Variants in NAALADL2 observed in about 807,000 individuals in gnomAD.
The protein encoded by NAALADL2 is inactive N-acetylated-alpha-linked acidic dipeptidase-like protein 2.
NAALADL2 carries 76 observed loss-of-function variants against 87.2 expected under a neutral mutation model. That is an observed-to-expected ratio of 0.87 (90% confidence interval 0.72 to 1.05). The LOEUF (loss-of-function observed/expected upper bound fraction) is 1.05. Ranked by LOEUF, NAALADL2 falls within the 50% of genes least tolerant of loss-of-function variation. NAALADL2 has a pLI of 0.00. For missense variants in NAALADL2, 1,089 were observed against 945.8 expected, an observed-to-expected ratio of 1.15 and a Z score of -1.99; for synonymous variants, 354 against 331.0, an observed-to-expected ratio of 1.07 and a Z score of -0.75.
intron 1 of NAALADL2, among the ~76,000 whole-genome samples, chr3:174,943,718 C>G (rs1252493062): frequency 1.3e-5 from 2 of 152,152 alleles, no homozygotes; most frequent in East Asian, 3.9e-4. Flanking sequence ...CAGGGGTTCC[C>G]TATTTGGTGA....
Position 174,586,983 on chromosome 3 carries a change from CT to C in NAALADL2, c.-115+36347del, listed in dbSNP as rs370366996. 6.2e-3 allele frequency among the ~76,000 whole-genome samples: 837 copies of C among 134,140 alleles called. 8 individuals carry two copies. The highest frequency in any genetic ancestry group is 0.021 in the African/African-American group (781 of 36,928). The allele number at this position is 134,140 out of a possible 152,430, so 88.0% of individuals were successfully genotyped here. A position where few individuals can be genotyped will look rare whatever the true frequency, so the allele number is the denominator to read the frequency against. On this transcript the variant is annotated intron_variant, in intron 2 of 3. Coordinates refer to the NAALADL2 transcript ENST00000434257. ...TATCTCCTAATGCTATCCCTTGCCC[CT>C]CCCCCCACCCCACGACAGGCCCTGG...
At chr3:174,591,477 A>G (rs1473919850) in intron 2 of NAALADL2, among the ~76,000 whole-genome samples, 3 of 152,164 alleles carry the variant, frequency 2.0e-5, no homozygotes, top group Admixed American at 2.0e-4. Flanking sequence ...CGGGTAAAGG[A>G]AAACTTGTCA....
intron 2 of NAALADL2, among the ~76,000 whole-genome samples, chr3:175,157,391 G>A (rs1732486364): frequency 6.6e-6 from 1 of 151,936 alleles, no homozygotes; most frequent in African/African-American, 2.4e-5. Flanking sequence ...TTTATCATTT[G>A]TAAAATGTAA....
intron 5 of NAALADL2, among the ~76,000 whole-genome samples, chr3:175,349,344 G>T (rs537615746): frequency 1.3e-5 from 2 of 152,242 alleles, no homozygotes; most frequent in South Asian, 2.1e-4. Context: ...AACAGGGGAG[G>T]TGCATGTACC....
intron 2 of NAALADL2, among the ~76,000 whole-genome samples, chr3:175,167,236 C>A (rs753450400): frequency 6.6e-6 from 1 of 151,964 alleles, no homozygotes; most frequent in African/African-American, 2.4e-5. Context: ...AAATAATAAG[C>A]GTGAGGGTGT....
chr3:174,591,736 C>T (rs1717379642), intron 2 of NAALADL2, among the ~76,000 whole-genome samples: 1 of 152,036 alleles, frequency 6.6e-6, no homozygotes, highest in Non-Finnish European at 1.5e-5. Context: ...TTGTGAATTT[C>T]CGATTCTAAA....
intron 13 of NAALADL2, among the ~76,000 whole-genome samples, chr3:175,787,792 GTAAAATATGTGTT>G (rs1576832060): frequency 6.6e-6 from 1 of 152,108 alleles, no homozygotes; most frequent in African/African-American, 2.4e-5. Flanking sequence ...TTTTTCAGCA[GTAAAATATGTGTT>G]TTAAGCTGTG....
chr3:175,218,489 A>G (rs948222013), intron 2 of NAALADL2, among the ~76,000 whole-genome samples: 1 of 148,626 alleles, frequency 6.7e-6, no homozygotes. Flanking sequence ...ATCCAAATAT[A>G]ATATATATGC....
At chr3:175,508,670 T>C (rs1730691387) in intron 9 of NAALADL2, among the ~76,000 whole-genome samples, 1 of 152,176 alleles carries the variant, frequency 6.6e-6, no homozygotes, top group Admixed American at 6.5e-5. Context: ...TGCCTCTAAA[T>C]ACATTCATTC....
chr3:175,376,835 G>A (rs1466407092), intron 5 of NAALADL2, among the ~76,000 whole-genome samples: 1 of 151,816 alleles, frequency 6.6e-6, no homozygotes, highest in Non-Finnish European at 1.5e-5. Context: ...CTTCAGCTGG[G>A]GTTGTTTCTG....
At chr3:175,694,549 G>A (rs937357838) in intron 11 of NAALADL2, among the ~76,000 whole-genome samples, 22 of 152,040 alleles carry the variant, frequency 1.4e-4, no homozygotes, top group African/African-American at 4.6e-4. Flanking sequence ...AATTTTGGGG[G>A]CATTCATATG....
intron 1 of NAALADL2, among the ~76,000 whole-genome samples, chr3:174,482,459 G>C (rs1717612416): frequency 6.6e-6 from 1 of 152,042 alleles, no homozygotes; most frequent in Non-Finnish European, 1.5e-5. Context: ...CTGCTGCACA[G>C]TTAGAAAGAA....
At chr3:175,666,608 C>G (rs1733036686) in intron 11 of NAALADL2, among the ~76,000 whole-genome samples, 1 of 152,086 alleles carries the variant, frequency 6.6e-6, no homozygotes, top group African/African-American at 2.4e-5. Context: ...GCACGATGAG[C>G]CCACCAAAAG....
chr3:175,628,413 T>G (rs563814208), intron 11 of NAALADL2, among the ~76,000 whole-genome samples: 57 of 151,450 alleles, frequency 3.8e-4, no homozygotes, highest in Non-Finnish European at 6.7e-4. Flanking sequence ...GTGTGTATTT[T>G]TATAGCAGTG....
At chr3:175,590,312 T>A (rs1165576466) in intron 10 of NAALADL2, among the ~76,000 whole-genome samples, 1 of 150,464 alleles carries the variant, frequency 6.6e-6, no homozygotes, top group Non-Finnish European at 1.5e-5. Flanking sequence ...ATTAACATAA[T>A]CAATGTCAAT....
intron 1 of NAALADL2, among the ~76,000 whole-genome samples, chr3:174,910,688 A>G (rs959649689): frequency 1.3e-5 from 2 of 152,036 alleles, no homozygotes; most frequent in African/African-American, 2.4e-5. Context: ...AGTACACACC[A>G]TATTAGTCAT....
chr3:175,021,302 CTG>C (rs1421207179), intron 1 of NAALADL2, among the ~76,000 whole-genome samples: 2 of 152,024 alleles, frequency 1.3e-5, no homozygotes, highest in African/African-American at 4.8e-5. Context: ...CTGTTAGACA[CTG>C]TGTTTCTAGT....
intron 5 of NAALADL2, among the ~76,000 whole-genome samples, chr3:175,392,885 A>G (rs1417960968): frequency 6.6e-6 from 1 of 152,232 alleles, no homozygotes; most frequent in Non-Finnish European, 1.5e-5. Context: ...AATGAGGGCA[A>G]TTTGCACAGT....
At chr3:175,732,505 G>A (rs1309141260) in intron 11 of NAALADL2, among the ~76,000 whole-genome samples, 2 of 152,172 alleles carry the variant, frequency 1.3e-5, no homozygotes, top group East Asian at 1.9e-4. Context: ...TCTAGGTGTA[G>A]TTGTATCCCT....
Sources: allele counts gnomAD v4.1 joint callset (sites outside exome capture counted in the v4.1 genomes callset), GRCh38; gene constraint gnomAD v4.1.1; transcripts MANE v1.5; gene names NCBI Gene and HGNC (gene_info 2026-07-23, HGNC 2026-07-21).